Variants in NWD2 observed in about 807,000 individuals in gnomAD.
NWD2 encodes NACHT and WD repeat domain-containing protein 2.
In NWD2, 37 loss-of-function variants were observed where a neutral mutation model predicts 132.7. The observed-to-expected ratio is 0.28, with a 90% CI of 0.21 to 0.37. The LOEUF is 0.37. Among genes scored for constraint, NWD2 ranks in the 10% least tolerant of loss-of-function variants. The pLI is 1.00. For synonymous variants in NWD2, 705 were observed against 803.0 expected, an observed-to-expected ratio of 0.88 and a Z score of 2.06; for missense variants, 1,592 against 2,122.4, an observed-to-expected ratio of 0.75 and a Z score of 4.91.
chr4:37,367,049 G>T (rs1720117421), intron 3 of NWD2, among the ~76,000 whole-genome samples: 1 of 152,126 alleles, frequency 6.6e-6, no homozygotes, highest in Non-Finnish European at 1.5e-5. Flanking sequence ...CAGAACATTT[G>T]CTAAAGTGCA....
At chr4:37,294,832 A>G (rs1379377043) in intron 1 of NWD2, among the ~76,000 whole-genome samples, 1 of 152,212 alleles carries the variant, frequency 6.6e-6, no homozygotes, top group Non-Finnish European at 1.5e-5. Context: ...TTAGGAGTTT[A>G]TTTTGCCAAA....
chr4:37,347,634 C>T (rs1435137939), intron 2 of NWD2, among the ~76,000 whole-genome samples: 3 of 152,112 alleles, frequency 2.0e-5, no homozygotes, highest in Non-Finnish European at 4.4e-5. Flanking sequence ...TCCTTTTCCT[C>T]CCTTTTGTGC....
intron 3 of NWD2, among the ~76,000 whole-genome samples, chr4:37,365,462 A>G (rs570833130): frequency 1.3e-5 from 2 of 152,352 alleles, no homozygotes; most frequent in South Asian, 4.1e-4. Context: ...TCTAGCTTAA[A>G]AAGATCTTTC....
At chr4:37,363,911 C>A (rs1577680116) in intron 3 of NWD2, among the ~76,000 whole-genome samples, 1 of 151,100 alleles carries the variant, frequency 6.6e-6, no homozygotes, top group South Asian at 2.1e-4. Context: ...ATCATGAGGT[C>A]AGGAGTTCAA....
chr4:37,376,602 C>T (rs968233657), intron 3 of NWD2, among the ~76,000 whole-genome samples: 1 of 152,106 alleles, frequency 6.6e-6, no homozygotes, highest in African/African-American at 2.4e-5. Context: ...CTAGAAATCT[C>T]GGTTAATCCT....
chr4:37,282,387 T>C (rs1392465055), intron 1 of NWD2, among the ~76,000 whole-genome samples: 2 of 152,178 alleles, frequency 1.3e-5, no homozygotes, highest in African/African-American at 4.8e-5. Flanking sequence ...CTTGAAGTAA[T>C]TTAAGTGCTT....
chr4:37,446,826 G>C lies in NWD2; in HGVS notation c.4838G>C (p.Cys1613Ser). 6.4e-7 allele frequency: 1 copy of C among 1,551,862 alleles called. No homozygotes were observed. Among genetic ancestry groups the C allele is most frequent in the South Asian group, 1.2e-5 (1 of 84,046 alleles). The change falls in exon 7 of 7, where the codon TGT becomes TCT. Residue 1613 changes from cysteine (C) to serine (S), a missense_variant. Physicochemically the swap from Cys to Ser is moderately radical, Grantham distance 112. Coordinates refer to ENST00000309447, the MANE Select transcript of NWD2 (RefSeq NM_001144990.2). This position sits in a 1 kb window ranked among gnomAD's most constrained non-coding sequence, Gnocchi z 6.7. ...RLADGKNIGA[C>S]SLYKTPTFLA... The stretch of plus-strand genomic sequence containing the variant: ...GCAGATGGCAAAAATATCGGTGCTT[G>C]TTCCCTTTACAAAACACCAACTTTC...
At chr4:37,440,947 G>A (rs374488456) in intron 6 of NWD2, among the ~76,000 whole-genome samples, 20 of 152,252 alleles carry the variant, frequency 1.3e-4, no homozygotes, top group Non-Finnish European at 1.2e-4. Context: ...TTAAGTTCAC[G>A]AATATTCTCA....
chr4:37,330,138 G>A (rs956757167), intron 2 of NWD2, among the ~76,000 whole-genome samples: 3 of 152,126 alleles, frequency 2.0e-5, no homozygotes, highest in African/African-American at 4.8e-5. Flanking sequence ...AGGCTATTTT[G>A]TAGTGTTTTC....
chr4:37,283,256 G>A (rs964016556), intron 1 of NWD2, among the ~76,000 whole-genome samples: 4 of 152,146 alleles, frequency 2.6e-5, no homozygotes, highest in Non-Finnish European at 5.9e-5. Flanking sequence ...CAACTATGGA[G>A]GGATATAAGA....
At chr4:37,351,761 G>A (rs138461777) in intron 2 of NWD2, among the ~76,000 whole-genome samples, 3,484 of 152,130 alleles carry the variant, frequency 0.023, 100 homozygotes, top group East Asian at 0.12. Flanking sequence ...TCTTTTACTT[G>A]TGATGTTAGG....
At chr4:37,276,516 T>C (rs919183792) in intron 1 of NWD2, among the ~76,000 whole-genome samples, 3 of 152,178 alleles carry the variant, frequency 2.0e-5, no homozygotes, top group East Asian at 1.9e-4. Flanking sequence ...AGTTCAACCA[T>C]TGTGGAAGTC....
rs117986869 is a variant in NWD2 at position 37,399,781 on chromosome 4, A to G, written c.358-30791A>G. Reference sequence around the variant, plus strand: ...GTAATTTTATGCTGCTTCTTCAGGTACAGTCCCATGCCAGTGGCATCTATA... The same window carrying G: ...GTAATTTTATGCTGCTTCTTCAGGTGCAGTCCCATGCCAGTGGCATCTATA... On this transcript the variant is annotated intron_variant, in intron 3 of 6. Coordinates refer to ENST00000309447, the MANE Select transcript of NWD2 (RefSeq NM_001144990.2). Among the ~76,000 whole-genome samples, 90 of 152,316 alleles carry G rather than the reference A, an allele frequency of 5.9e-4. 1 individual carries two copies. In the East Asian group the frequency reaches 0.016, roughly 26 times the overall value.
intron 3 of NWD2, among the ~76,000 whole-genome samples, chr4:37,421,878 T>C (rs1482257994): frequency 6.6e-6 from 1 of 152,108 alleles, no homozygotes; most frequent in Non-Finnish European, 1.5e-5. Flanking sequence ...ACTGGAAGTT[T>C]AAGATTAGGG....
chr4:37,293,784 T>C (rs550109681), intron 1 of NWD2, among the ~76,000 whole-genome samples: 3 of 152,150 alleles, frequency 2.0e-5, no homozygotes, highest in East Asian at 1.9e-4. Flanking sequence ...TTCTTAATAA[T>C]GTGGAGTATG....
chr4:37,283,107 C>T (rs1458306396), intron 1 of NWD2, among the ~76,000 whole-genome samples: 1 of 152,176 alleles, frequency 6.6e-6, no homozygotes, highest in East Asian at 1.9e-4. Flanking sequence ...GTCATTTCTA[C>T]TGAACTCACC....
At chr4:37,381,787 A>C (rs1418449418) in intron 3 of NWD2, among the ~76,000 whole-genome samples, 1 of 152,232 alleles carries the variant, frequency 6.6e-6, no homozygotes, top group African/African-American at 2.4e-5. Flanking sequence ...AAACAGTTCT[A>C]TATTTGAATA....
chr4:37,413,504 T>C (rs1456521697), intron 3 of NWD2, among the ~76,000 whole-genome samples: 2 of 152,150 alleles, frequency 1.3e-5, no homozygotes, highest in Admixed American at 6.5e-5. Flanking sequence ...GAAATAGGAA[T>C]GCTTTTACAC....
chr4:37,298,249 C>A (rs1036520901), intron 1 of NWD2, among the ~76,000 whole-genome samples: 2 of 152,140 alleles, frequency 1.3e-5, no homozygotes, highest in African/African-American at 4.8e-5. Context: ...AGCAATCACT[C>A]GTGCCATGAG....
Sources: allele counts gnomAD v4.1 joint callset (sites outside exome capture counted in the v4.1 genomes callset), GRCh38; gene constraint gnomAD v4.1.1; non-coding constraint Gnocchi (gnomAD v3.1); transcripts MANE v1.5; gene names NCBI Gene and HGNC (gene_info 2026-07-23, HGNC 2026-07-21).